Variants in CRAMP1 observed in about 807,000 individuals in gnomAD.
The protein encoded by CRAMP1 is cramped chromatin regulator 1, also known as protein cramped-like.
CRAMP1 carries 50 observed loss-of-function variants against 115.4 expected under a neutral mutation model. The observed-to-expected ratio is 0.43, with a 90% confidence interval of 0.35 to 0.55. CRAMP1 has a LOEUF of 0.55. Ranked by LOEUF, CRAMP1 falls within the 20% of genes least tolerant of loss-of-function variation. The pLI, the probability that CRAMP1 is intolerant of heterozygous loss-of-function variation, is 0.01. For missense variants in CRAMP1, 1,679 were observed against 1,721.7 expected (o/e 0.98, Z 0.44); for synonymous variants, 866 against 745.4 (o/e 1.16, Z -2.64).
At chr16:1,647,748 TAAAAAA>T (rs35279793) in intron 6 of CRAMP1, among the ~76,000 whole-genome samples, 1 of 87,724 alleles carries the variant, frequency 1.1e-5, no homozygotes. Flanking sequence ...GACTCTGCCT[TAAAAAA>T]AAAAAAAAAA....
At chr16:1,663,917 G>A (rs374844890) in intron 13 of CRAMP1, among the ~76,000 whole-genome samples, 10 of 152,268 alleles carry the variant, frequency 6.6e-5, no homozygotes, top group Non-Finnish European at 1.2e-4. Context: ...TTTTCCACAC[G>A]GGCAGGTATA....
rs200244880 is a variant in CRAMP1, at chr16:1,655,896, G to A, written c.1139G>A (p.Arg380Gln). ...ACTCAGCGGAAGACACTCGAGGAGC[G>A]GCAGCTGCAGGACTCATGCTCCGCA... ...EVRVRKTLEE[R>Q]QLQDSCSAPM... The change falls in exon 10 of 21, where the codon CGG (arginine) becomes CAG (glutamine). Residue 380 changes from arginine to glutamine, a missense_variant. By Grantham distance (43) the Arg-to-Gln change is conservative. Transcript: ENST00000397412. 1.2e-4 allele frequency: 196 copies of A among 1,609,646 alleles called. 1 individual carries two copies. Among genetic ancestry groups the A allele is most frequent in the Admixed American group, 1.5e-4 (9 of 59,918 alleles).
intron 4 of CRAMP1, among the ~76,000 whole-genome samples, chr16:1,635,345 G>A (rs992439458): frequency 6.6e-6 from 1 of 152,228 alleles, no homozygotes; most frequent in African/African-American, 2.4e-5. Flanking sequence ...GTGTGTGTTC[G>A]TCTTACTAAT....
chr16:1,638,235 C>G (rs974578006), intron 5 of CRAMP1, among the ~76,000 whole-genome samples: 7 of 152,222 alleles, frequency 4.6e-5, no homozygotes, highest in African/African-American at 1.7e-4. Flanking sequence ...GAACATTTCT[C>G]CTATATAGCC....
rs1000370913 is a variant in CRAMP1, at chr16:1,671,791, G to A, written c.3645+982G>A. ...CGGACACCTCCGCTACCCAGTATCC[G>A]AATGTGAATCGTGACTCTTGAGATG... On this transcript the variant is annotated intron_variant, in intron 20 of 20. Coordinates refer to ENST00000397412, the MANE Select transcript of CRAMP1 (RefSeq NM_020825.4). This position sits in a 1 kb window ranked among gnomAD's most constrained non-coding sequence, Gnocchi z 5.0. 5.6e-4 allele frequency among the ~76,000 whole-genome samples: 86 copies of A among 152,342 alleles called. No individual in the cohort carries two copies. Among genetic ancestry groups the A allele is most frequent in the African/African-American group, 2.0e-3 (84 of 41,578 alleles).
In CRAMP1 at chr16:1,656,568, G is replaced by A. The variant is rs1171341136; in HGVS notation, c.1811G>A (p.Ser604Asn). Reference sequence around the variant, plus strand: ...TCCCCAGAGGTGCTGGCTCCTGTCAGCAAGGAGGCTGCTGACCTTGCTCCC... The same window carrying A: ...TCCCCAGAGGTGCTGGCTCCTGTCAACAAGGAGGCTGCTGACCTTGCTCCC... ...AASPEVLAPV[S>N]KEAADLAPTG... Residue 604 changes from serine to asparagine, a missense_variant, in exon 10 of 21, where the codon AGC becomes AAC. This residue lies in a region of CRAMP1 where 405 missense variants were observed against 302.6 expected (regional missense o/e 1.34). Transcript: ENST00000397412. This position sits in a 1 kb window ranked among gnomAD's most constrained non-coding sequence, Gnocchi z 5.6. 1.3e-6 allele frequency: 2 copies of A among 1,557,702 alleles called. No individual in the cohort carries two copies. Among genetic ancestry groups the A allele is most frequent in the South Asian group, 2.4e-5 (2 of 84,590 alleles).
chr16:1,674,368 G>T lies in CRAMP1; in HGVS notation c.*323G>T. 3.1e-6 allele frequency: 1 copy of T among 320,002 alleles called. No homozygotes were observed. Among genetic ancestry groups the T allele is most frequent in the Non-Finnish European group, 5.9e-6 (1 of 170,778 alleles). 19.8% of individuals were successfully genotyped at this position (320,002 alleles called of 1,614,324 possible). A position where few individuals can be genotyped will look rare whatever the true frequency, so the allele number is the denominator to read the frequency against. ...CTCGATTGTTGTGTTGGACATTCCG[G>T]TGGCATTTCCTTCTGAGACAAGGGA... On this transcript the variant is annotated 3_prime_UTR_variant, in exon 21 of 21. Transcript: ENST00000397412.
chr16:1,663,822 A>G (rs1280542332), intron 13 of CRAMP1, among the ~76,000 whole-genome samples: 1 of 152,110 alleles, frequency 6.6e-6, no homozygotes, highest in African/African-American at 2.4e-5. Flanking sequence ...GGATCATACA[A>G]TTTGTGTTCT....
chr16:1,649,853 G>A (rs889501331), intron 6 of CRAMP1, among the ~76,000 whole-genome samples: 13 of 147,970 alleles, frequency 8.8e-5, no homozygotes, highest in Admixed American at 2.0e-4. Context: ...GAGTGCAGTG[G>A]CGCAATCTCA....
chr16:1,615,093 C>T (rs375219531), intron 2 of CRAMP1, 108 bp downstream of exon 2: 28 of 593,572 alleles, frequency 4.7e-5, no homozygotes, highest in African/African-American at 4.6e-4. Flanking sequence ...ACCCATCCCG[C>T]GGCCTACACT....
chr16:1,647,622 G>T (rs903557348), intron 6 of CRAMP1, among the ~76,000 whole-genome samples: 2 of 151,942 alleles, frequency 1.3e-5, no homozygotes, highest in African/African-American at 4.8e-5. Flanking sequence ...TATGCCTGTA[G>T]TCCCACCTAC....
chr16:1,617,626 T>G (rs1244970102), intron 2 of CRAMP1, among the ~76,000 whole-genome samples: 2 of 152,242 alleles, frequency 1.3e-5, no homozygotes, highest in Non-Finnish European at 1.5e-5. Context: ...TTTGGTTGAT[T>G]ACTTACTGCC....
At chr16:1,670,367 G>T in intron 19 of CRAMP1, 1 of 376,240 alleles carries the variant, frequency 2.7e-6, no homozygotes, top group Non-Finnish European at 4.9e-6. Context: ...CATGATGGGG[G>T]TGGGGGATGG....
At chr16:1,642,095 T>C (rs946475142) in intron 6 of CRAMP1, among the ~76,000 whole-genome samples, 1 of 152,216 alleles carries the variant, frequency 6.6e-6, no homozygotes, top group Non-Finnish European at 1.5e-5. Context: ...ACCACAGATA[T>C]TGGGTCTGCA....
Position 1,666,726 on chromosome 16 carries a change from GC to G in CRAMP1, c.3036+128del. The G allele has an allele frequency of 1.1e-6, 1 of 877,104 alleles. No homozygotes were observed. The highest frequency in any genetic ancestry group is 1.8e-6 in the Non-Finnish European group (1 of 565,946). The allele number at this position is 877,104 out of a possible 1,614,324, so 54.3% of individuals were successfully genotyped here. On this transcript the variant is annotated intron_variant, in intron 16 of 20. Transcript: ENST00000397412. The surrounding 1 kb of genome is among the most constrained non-coding windows in gnomAD (Gnocchi z 5.0). ...GGAGGAGAGTCTCTGGACCAGGGGTGCCATGGCATAAGCAAACTCTGTGTAG... is the reference window on the plus strand; with the variant it reads ...GGAGGAGAGTCTCTGGACCAGGGGTGCATGGCATAAGCAAACTCTGTGTAG...
rs2036503431 is a variant in CRAMP1 at position 1,625,813 on chromosome 16, G to T, written c.347-160G>T. 6.5e-6 allele frequency: 4 copies of T among 619,356 alleles called. No homozygotes were observed. The Admixed American group carries it at 1.3e-4, about 21-fold the overall frequency. The allele number at this position is 619,356 out of a possible 1,614,324, so 38.4% of individuals were successfully genotyped here. Reference sequence around the variant, plus strand: ...GATCCTGGCAGTCCTAAGCAGCCTCGCTGGTGCCGTGGGTCCTGGGTGCTG... The same window carrying T: ...GATCCTGGCAGTCCTAAGCAGCCTCTCTGGTGCCGTGGGTCCTGGGTGCTG... On this transcript the variant is annotated intron_variant, in intron 2 of 20. Coordinates refer to ENST00000397412, the MANE Select transcript of CRAMP1 (RefSeq NM_020825.4).
chr16:1,648,389 A>G (rs1464725401), intron 6 of CRAMP1, among the ~76,000 whole-genome samples: 1 of 151,916 alleles, frequency 6.6e-6, no homozygotes, highest in East Asian at 1.9e-4. Context: ...CTGGCGAATC[A>G]TTTGAGGTTA....
At chr16:1,620,815 C>G (rs536167566) in intron 2 of CRAMP1, 1 of 411,478 alleles carries the variant, frequency 2.4e-6, no homozygotes, top group African/African-American at 2.0e-5. Flanking sequence ...GCTTTCAGAG[C>G]TGTTCTGACG....
intron 8 of CRAMP1, among the ~76,000 whole-genome samples, chr16:1,653,465 T>C (rs1285364258): frequency 1.3e-5 from 2 of 152,198 alleles, no homozygotes; most frequent in African/African-American, 4.8e-5. Flanking sequence ...CACCCGCTTC[T>C]TGGAGACTCG....
Sources: allele counts gnomAD v4.1 joint callset (sites outside exome capture counted in the v4.1 genomes callset), GRCh38; gene constraint gnomAD v4.1.1; regional missense constraint gnomAD v4.1.1; non-coding constraint Gnocchi (gnomAD v3.1); transcripts MANE v1.5; gene names NCBI Gene and HGNC (gene_info 2026-07-23, HGNC 2026-07-21).